The following PRKCQ variants were observed in gnomAD, a reference collection of about 807,000 sequenced individuals.
The protein encoded by PRKCQ is protein kinase C theta type.
PRKCQ carries 41 observed loss-of-function variants against 91.2 expected under a neutral mutation model. The observed-to-expected ratio is 0.45, with a 90% CI of 0.35 to 0.58. PRKCQ has a LOEUF of 0.58. PRKCQ is among the 20% of genes least tolerant of loss of function. The probability of loss-of-function intolerance (pLI) is 0.00; values close to 1 mark genes in which losing one functional copy is unlikely to be tolerated. For synonymous variants in PRKCQ, 307 were observed against 316.9 expected (o/e 0.97, Z 0.33); for missense variants, 673 against 896.5 (o/e 0.75, Z 3.18).
chr10:6,454,296 G>A (rs904390586), intron 15 of PRKCQ, among the ~76,000 whole-genome samples: 1 of 152,132 alleles, frequency 6.6e-6, no homozygotes, highest in Non-Finnish European at 1.5e-5. Context: ...TGATAAGGGA[G>A]GAAAGCAGAT....
chr10:6,478,961 G>A (rs769013939), intron 12 of PRKCQ, 31 bp downstream of exon 12: 3 of 1,611,078 alleles, frequency 1.9e-6, no homozygotes, highest in East Asian at 4.5e-5. Context: ...AGGTTAGAGG[G>A]GAGGTAGGGT....
intron 16 of PRKCQ, among the ~76,000 whole-genome samples, chr10:6,438,864 C>T (rs1023725548): frequency 2.6e-5 from 4 of 152,258 alleles, no homozygotes; most frequent in South Asian, 2.1e-4. Context: ...TTTCAAAGGG[C>T]GAGGGTTCCA....
At chr10:6,420,517 T>C in the PRKCQ span, among the ~76,000 whole-genome samples, 1 of 152,248 alleles carries the variant, frequency 6.6e-6, no homozygotes, top group African/African-American at 2.4e-5. Context: ...TCCCCTGAGA[T>C]GACCTATTTC....
Position 6,467,389 on chromosome 10 carries a change from C to CAGAGAGAGAG in PRKCQ, c.1354-2995_1354-2986dup, listed in dbSNP as rs1160599680. On this transcript the variant is annotated intron_variant, in intron 12 of 17. Transcript: ENST00000263125. Reference sequence around the variant, plus strand: ...AGAGAGAGAGACAGAGAGAGACAGACAGAGAGAGAGAGAGAGAGAGAGAGA... The same window carrying CAGAGAGAGAG: ...AGAGAGAGAGACAGAGAGAGACAGACAGAGAGAGAGAGAGAGAGAGAGAGAGAGAGAGAGA... Among the ~76,000 whole-genome samples the CAGAGAGAGAG allele has an allele frequency of 2.5e-3, 70 of 27,788 alleles. 5 individuals are homozygous for CAGAGAGAGAG. Among genetic ancestry groups the CAGAGAGAGAG allele is most frequent in the African/African-American group, 7.2e-3 (44 of 6,086 alleles). The allele number at this position is 27,788 out of a possible 152,430, so 18.2% of individuals were successfully genotyped here.
chr10:6,576,124 C>T lies in PRKCQ; in HGVS notation c.-10+4087G>A, dbSNP rs1841226684. On this transcript the variant is annotated intron_variant, in intron 1 of 17. Transcript: ENST00000263125. This position sits in a 1 kb window ranked among gnomAD's most constrained non-coding sequence, Gnocchi z 4.2. The stretch of plus-strand genomic sequence containing the variant: ...CCACTGGTGGGAATGTAAAACGGTC[C>T]AGCCACTGTGGAAAACAATATGGCA... Among the ~76,000 whole-genome samples the T allele has an allele frequency of 1.3e-5, 2 of 152,134 alleles. No homozygotes were observed. Among genetic ancestry groups the T allele is most frequent in the Admixed American group, 6.5e-5 (1 of 15,276 alleles).
intron 1 of PRKCQ, among the ~76,000 whole-genome samples, chr10:6,548,367 G>A (rs1408171576): frequency 1.3e-5 from 2 of 151,726 alleles, no homozygotes; most frequent in African/African-American, 4.8e-5. Context: ...ATTTGACCCA[G>A]CCATCCCATT....
intron 11 of PRKCQ, among the ~76,000 whole-genome samples, chr10:6,482,857 C>T (rs1215197766): frequency 6.6e-6 from 1 of 152,210 alleles, no homozygotes; most frequent in East Asian, 1.9e-4. Context: ...TCTCATGAGA[C>T]TTACTCACTA....
intron 15 of PRKCQ, among the ~76,000 whole-genome samples, chr10:6,455,620 A>G (rs1834962702): frequency 6.6e-6 from 1 of 152,222 alleles, no homozygotes; most frequent in African/African-American, 2.4e-5. Flanking sequence ...GAAGGTATCT[A>G]TTAGCACCTT....
chr10:6,446,816 G>A (rs1161362694), intron 15 of PRKCQ, among the ~76,000 whole-genome samples: 2 of 152,198 alleles, frequency 1.3e-5, no homozygotes, highest in Admixed American at 6.5e-5. Flanking sequence ...CAGATGCACA[G>A]CTCAAAATGC....
intron 1 of PRKCQ, among the ~76,000 whole-genome samples, chr10:6,554,287 G>C (rs1840323700): frequency 1.3e-5 from 2 of 152,208 alleles, no homozygotes; most frequent in Non-Finnish European, 2.9e-5. Context: ...TCCGAAGAGA[G>C]AGAACTCTCC....
At chr10:6,540,384 G>A (rs372661048) in intron 1 of PRKCQ, among the ~76,000 whole-genome samples, 5 of 151,858 alleles carry the variant, frequency 3.3e-5, no homozygotes, top group African/African-American at 9.7e-5. Flanking sequence ...CAACACTAAC[G>A]CCCCATTCCT....
intron 1 of PRKCQ, among the ~76,000 whole-genome samples, chr10:6,571,906 G>T (rs1296311127): frequency 6.6e-6 from 1 of 152,126 alleles, no homozygotes; most frequent in Non-Finnish European, 1.5e-5. Flanking sequence ...CAAACTTTGG[G>T]AACACAGTCC....
intron 12 of PRKCQ, 85 bp from the exon 13 acceptor site, chr10:6,464,489 TCCCAGGC>T: frequency 2.3e-5 from 28 of 1,218,656 alleles, no homozygotes; most frequent in Non-Finnish European, 3.0e-5. Flanking sequence ...TCACTCTGTC[TCCCAGGC>T]TGGAGTGCAG....
chr10:6,446,309 G>A (rs1339314095), intron 15 of PRKCQ, among the ~76,000 whole-genome samples: 1 of 148,814 alleles, frequency 6.7e-6, no homozygotes, highest in East Asian at 2.0e-4. Context: ...ATAGCATAAT[G>A]TGCCTCTTGG....
rs897483327 is a variant in PRKCQ, at chr10:6,428,493, G to T, written c.1966-131C>A. 17 of 934,210 alleles carry T rather than the reference G, an allele frequency of 1.8e-5. No individual in the cohort carries two copies. The African/African-American group carries it at 2.8e-4, about 15-fold the overall frequency. 57.9% of individuals were successfully genotyped at this position (934,210 alleles called of 1,614,324 possible). On this transcript the variant is annotated intron_variant, in intron 17 of 17. Coordinates refer to ENST00000263125, the MANE Select transcript of PRKCQ (RefSeq NM_006257.5). The stretch of plus-strand genomic sequence containing the variant: ...GTGTTTGCAGAGACACTAAATGGAG[G>T]CAATGCCTACAGATGACCATGCCCA...
At chr10:6,548,824 G>A (rs1184202434) in intron 1 of PRKCQ, among the ~76,000 whole-genome samples, 2 of 151,752 alleles carry the variant, frequency 1.3e-5, no homozygotes, top group East Asian at 1.9e-4. Flanking sequence ...CATGGCACAC[G>A]TATACATATG....
At chr10:6,522,432 A>G (rs1343991923) in intron 1 of PRKCQ, among the ~76,000 whole-genome samples, 1 of 152,190 alleles carries the variant, frequency 6.6e-6, no homozygotes, top group East Asian at 1.9e-4. Context: ...TTCTCTGGAC[A>G]CTGACTCACC....
intron 1 of PRKCQ, among the ~76,000 whole-genome samples, chr10:6,518,497 A>C (rs1290164537): frequency 6.6e-6 from 1 of 152,088 alleles, no homozygotes; most frequent in Non-Finnish European, 1.5e-5. Context: ...TCCTAATTTA[A>C]GCTGTAAAAA....
At chr10:6,447,338 C>T (rs768330026) in intron 15 of PRKCQ, among the ~76,000 whole-genome samples, 14 of 146,724 alleles carry the variant, frequency 9.5e-5, no homozygotes, top group African/African-American at 2.3e-4. Context: ...ACCTGGGAGG[C>T]GGAGGTTGCA....
Sources: gnomAD v4.1 joint callset for allele counts (sites outside exome capture counted in the v4.1 genomes callset) on GRCh38, gnomAD v4.1.1 for gene constraint, Gnocchi (gnomAD v3.1) non-coding constraint, MANE v1.5 for transcripts, NCBI Gene and HGNC (gene_info 2026-07-23, HGNC 2026-07-21) for gene names.